AUTS2: variants seen among roughly 807,000 people sequenced by gnomAD.
AUTS2 encodes the protein autism susceptibility gene 2 protein.
AUTS2 carries 17 observed loss-of-function variants against 112.4 expected under a neutral mutation model. The ratio of observed to expected loss-of-function variants is 0.15; its 90% CI spans 0.10 to 0.23. The LOEUF is 0.23. AUTS2 is among the 10% of genes least tolerant of loss of function. AUTS2 has a pLI of 1.00. For missense variants in AUTS2, 1,510 were observed against 1,701.6 expected (o/e 0.89, Z 1.98); for synonymous variants, 751 against 702.7 (o/e 1.07, Z -1.09).
At chr7:69,729,591 C>G (rs1786691478) in intron 1 of AUTS2, among the ~76,000 whole-genome samples, 1 of 152,082 alleles carries the variant, frequency 6.6e-6, no homozygotes, top group Admixed American at 6.6e-5. Flanking sequence ...AATAGTACCT[C>G]AAATTGTGCC....
chr7:70,263,080 A>AT lies in AUTS2; in HGVS notation c.660+128521dup, dbSNP rs934475599. 6.2e-3 allele frequency among the ~76,000 whole-genome samples: 913 copies of AT among 146,856 alleles called. 12 individuals are homozygous for AT. The highest frequency in any genetic ancestry group is 0.018 in the African/African-American group (721 of 40,348). The stretch of plus-strand genomic sequence containing the variant: ...AAATATATTTAATAAAAGTAGAAGG[A>AT]TTTTTTTTTTTTGCGTGATACTCAG... On this transcript the variant is annotated intron_variant, in intron 4 of 18. Coordinates refer to ENST00000342771, the MANE Select transcript of AUTS2 (RefSeq NM_015570.4).
intron 4 of AUTS2, among the ~76,000 whole-genome samples, chr7:70,193,978 TA>T (rs1810038119): frequency 6.6e-6 from 1 of 152,234 alleles, no homozygotes; most frequent in African/African-American, 2.4e-5. Context: ...CTATATTTAA[TA>T]TTCAAAGCAC....
At position 70,790,793 on chromosome 7, in the gene AUTS2, C is replaced by G. The variant is rs758166715; in HGVS notation, c.3577C>G (p.His1193Asp). The change falls in exon 19 of 19, where the codon CAC becomes GAC. Residue 1193 changes from histidine (H) to aspartate (D), a missense_variant. His to Asp is a moderately conservative substitution (Grantham distance 81). Around this residue, in one of 3 missense-constraint regions of AUTS2, gnomAD observed 788 missense variants for 797.6 expected, o/e 0.99. Transcript: ENST00000342771. The surrounding 1 kb of genome is among the most constrained non-coding windows in gnomAD (Gnocchi z 7.6). ...CATCACCCCGGGACTCCCCAGCATG[C>G]ACTATCCCCGCATCAGCCCCACCGC... is the stretch of plus-strand genomic sequence containing the variant. ...SLITPGLPSM[H>D]YPRISPTAGN... The G allele has an allele frequency of 6.2e-7, 1 of 1,610,658 alleles. No individual in the cohort carries two copies. Among genetic ancestry groups the G allele is most frequent in the Non-Finnish European group, 8.5e-7 (1 of 1,178,276 alleles).
chr7:70,189,861 C>G (rs1404408641), intron 4 of AUTS2, among the ~76,000 whole-genome samples: 1 of 152,134 alleles, frequency 6.6e-6, no homozygotes, highest in African/African-American at 2.4e-5. Flanking sequence ...CCACTTGTTA[C>G]CCATCTAGTG....
In AUTS2 at chr7:70,121,532, A is replaced by G. The variant is rs1431132325; in HGVS notation, c.624+3299A>G. On this transcript the variant is annotated intron_variant, in intron 3 of 18. Transcript: ENST00000342771. ...CAAAAATGGGCAAAGAATTTGAGAA[A>G]TATTTCTACAAAGAAGTACAAAGAA... Among the ~76,000 whole-genome samples the G allele has an allele frequency of 4.6e-5, 7 of 152,216 alleles. No homozygotes were observed. The East Asian group carries it at 1.3e-3, about 29-fold the overall frequency.
chr7:70,773,750 G>A (rs148541021), intron 11 of AUTS2, among the ~76,000 whole-genome samples: 45 of 152,324 alleles, frequency 3.0e-4, no homozygotes, highest in African/African-American at 9.6e-4. Context: ...CAGCATTTAC[G>A]TTTGTTGCTT....
intron 6 of AUTS2, among the ~76,000 whole-genome samples, chr7:70,750,648 C>T (rs910571724): frequency 2.6e-5 from 4 of 152,200 alleles, no homozygotes; most frequent in African/African-American, 7.2e-5. Flanking sequence ...GTGATCCGCC[C>T]ACTTTGGCCT....
intron 15 of AUTS2, chr7:70,782,236 G>GT (rs1235285416): frequency 6.5e-6 from 1 of 154,092 alleles, no homozygotes; most frequent in African/African-American, 2.4e-5. Context: ...GTTGCCAGGA[G>GT]TATGGTCTGT....
chr7:69,775,745 G>T (rs982443706), intron 1 of AUTS2, among the ~76,000 whole-genome samples: 6 of 152,166 alleles, frequency 3.9e-5, no homozygotes, highest in African/African-American at 1.4e-4. Flanking sequence ...CACGTGGGCC[G>T]GGTGAGCTGC....
chr7:69,668,319 G>A (rs540644099), intron 1 of AUTS2, among the ~76,000 whole-genome samples: 2 of 152,340 alleles, frequency 1.3e-5, no homozygotes, highest in African/African-American at 2.4e-5. Flanking sequence ...TGATTATAAT[G>A]TAGCGTTAGT....
At chr7:69,665,944 T>C (rs534922093) in intron 1 of AUTS2, among the ~76,000 whole-genome samples, 8 of 152,332 alleles carry the variant, frequency 5.3e-5, no homozygotes, top group African/African-American at 1.7e-4. Context: ...ATTTAGGCTC[T>C]TCAGAGAACT....
intron 2 of AUTS2, among the ~76,000 whole-genome samples, chr7:70,003,700 AATAT>A (rs1322038461): frequency 8.0e-6 from 1 of 125,090 alleles, no homozygotes; most frequent in Non-Finnish European, 1.6e-5. Flanking sequence ...GAATATATAT[AATAT>A]ATATGAATGT....
chr7:70,422,142 A>C (rs574854654), intron 4 of AUTS2, among the ~76,000 whole-genome samples: 1 of 152,206 alleles, frequency 6.6e-6, no homozygotes, highest in South Asian at 2.1e-4. Context: ...GTAGCCTAAG[A>C]TGTCTTTGGA....
chr7:70,692,056 C>T (rs938820095), intron 5 of AUTS2, among the ~76,000 whole-genome samples: 2 of 151,876 alleles, frequency 1.3e-5, no homozygotes, highest in Admixed American at 6.6e-5. Context: ...TTAGTAGAGA[C>T]GGGGTTTCGC....
At chr7:69,861,125 TA>T (rs34141655) in intron 1 of AUTS2, among the ~76,000 whole-genome samples, 3 of 151,656 alleles carry the variant, frequency 2.0e-5, no homozygotes, top group African/African-American at 7.3e-5. Flanking sequence ...TTCAAGTTAC[TA>T]AAAAAGCAGG....
At chr7:69,773,189 G>A (rs1427607466) in intron 1 of AUTS2, among the ~76,000 whole-genome samples, 2 of 152,130 alleles carry the variant, frequency 1.3e-5, no homozygotes, top group Non-Finnish European at 2.9e-5. Flanking sequence ...CATGGAAAAT[G>A]TCCATGAAAA....
At chr7:70,618,662 C>G (rs1804507287) in intron 5 of AUTS2, among the ~76,000 whole-genome samples, 1 of 152,150 alleles carries the variant, frequency 6.6e-6, no homozygotes, top group Admixed American at 6.5e-5. Context: ...CCTCACCCCA[C>G]ACACACATGC....
intron 2 of AUTS2, among the ~76,000 whole-genome samples, chr7:69,954,748 A>G (rs1382042298): frequency 6.6e-6 from 1 of 152,220 alleles, no homozygotes; most frequent in East Asian, 1.9e-4. Flanking sequence ...TGGCCCAACC[A>G]GGTTTAGAAC....
At chr7:69,968,655 T>G (rs1302543691) in intron 2 of AUTS2, among the ~76,000 whole-genome samples, 1 of 152,188 alleles carries the variant, frequency 6.6e-6, no homozygotes, top group Admixed American at 6.6e-5. Context: ...ATTTGATTGT[T>G]GAAAACGTTG....
Sources: allele counts gnomAD v4.1 joint callset (sites outside exome capture counted in the v4.1 genomes callset), GRCh38; gene constraint gnomAD v4.1.1; regional missense constraint gnomAD v4.1.1; non-coding constraint Gnocchi (gnomAD v3.1); transcripts MANE v1.5; gene names NCBI Gene and HGNC (gene_info 2026-07-23, HGNC 2026-07-21).